Variants in ZNF804B observed in about 807,000 individuals in gnomAD.
ZNF804B encodes the protein zinc finger 804B.
Under a neutral mutation model 101.4 loss-of-function variants are expected in ZNF804B, and 80 were observed. That is an observed-to-expected ratio of 0.79 (90% CI 0.66 to 0.95). ZNF804B has a LOEUF of 0.95. Ranked by LOEUF, ZNF804B falls within the 40% of genes least tolerant of loss-of-function variation. The pLI is 0.00. For missense variants in ZNF804B, 1,673 were observed against 1,561.9 expected, an observed-to-expected ratio of 1.07 and a Z score of -1.20; for synonymous variants, 622 against 558.8, an observed-to-expected ratio of 1.11 and a Z score of -1.59.
chr7:89,332,360 T>C lies in ZNF804B; in HGVS notation c.381-1003T>C, dbSNP rs912967154. On this transcript the variant is annotated intron_variant, in intron 3 of 3. Transcript: ENST00000333190. ...ATGGAAGAGATACCAGTTGGCTTAGTATTTTATATTCAAGCAACAAATGAC... is the reference window on the plus strand; with the variant it reads ...ATGGAAGAGATACCAGTTGGCTTAGCATTTTATATTCAAGCAACAAATGAC... 2.6e-5 allele frequency among the ~76,000 whole-genome samples: 4 copies of C among 151,892 alleles called. No individual in the cohort carries two copies. The East Asian group carries it at 7.7e-4, about 29-fold the overall frequency.
chr7:88,890,119 T>C (rs1792193901), intron 1 of ZNF804B, among the ~76,000 whole-genome samples: 2 of 152,162 alleles, frequency 1.3e-5, no homozygotes, highest in South Asian at 4.1e-4. Context: ...TTTAGAAATT[T>C]ACGTGAAGAC....
chr7:88,879,669 A>G (rs954621861), intron 1 of ZNF804B, among the ~76,000 whole-genome samples: 2 of 152,166 alleles, frequency 1.3e-5, no homozygotes, highest in Admixed American at 6.5e-5. Context: ...AGGTTTAAAA[A>G]TCTTTCTGGA....
At chr7:88,950,931 T>G (rs1416489891) in intron 1 of ZNF804B, among the ~76,000 whole-genome samples, 2 of 151,876 alleles carry the variant, frequency 1.3e-5, no homozygotes, top group East Asian at 3.9e-4. Context: ...AGCTAATTTT[T>G]TTTTTTTGGC....
chr7:88,918,352 G>A (rs950689392), intron 1 of ZNF804B, among the ~76,000 whole-genome samples: 2 of 152,028 alleles, frequency 1.3e-5, no homozygotes, highest in Non-Finnish European at 2.9e-5. Flanking sequence ...GTTATAATTA[G>A]GGAACTTTAG....
intron 2 of ZNF804B, among the ~76,000 whole-genome samples, chr7:89,321,017 C>A (rs1341676480): frequency 2.0e-5 from 3 of 152,008 alleles, no homozygotes; most frequent in African/African-American, 7.2e-5. Context: ...GTATTCTTAA[C>A]ATATGATTTT....
At chr7:88,880,671 G>T (rs764225899) in intron 1 of ZNF804B, among the ~76,000 whole-genome samples, 2 of 152,132 alleles carry the variant, frequency 1.3e-5, no homozygotes, top group South Asian at 4.1e-4. Flanking sequence ...TAAACTAAGG[G>T]AAGACACTGG....
intron 1 of ZNF804B, among the ~76,000 whole-genome samples, chr7:89,058,990 C>A (rs1487109406): frequency 2.0e-5 from 3 of 152,052 alleles, no homozygotes; most frequent in Admixed American, 6.6e-5. Flanking sequence ...CCATCATGCC[C>A]AGCTGGAATG....
At chr7:88,798,378 A>T (rs1790524211) in intron 1 of ZNF804B, among the ~76,000 whole-genome samples, 1 of 152,164 alleles carries the variant, frequency 6.6e-6, no homozygotes, top group East Asian at 1.9e-4. Flanking sequence ...AAGAGTGATA[A>T]TATCTTAACA....
chr7:89,129,395 A>G (rs977967287), intron 1 of ZNF804B, among the ~76,000 whole-genome samples: 17 of 152,032 alleles, frequency 1.1e-4, no homozygotes, highest in Non-Finnish European at 2.2e-4. Flanking sequence ...ATTGATTTAC[A>G]TTTCTTTAAA....
At chr7:89,250,699 A>G (rs1473887789) in intron 2 of ZNF804B, among the ~76,000 whole-genome samples, 1 of 152,226 alleles carries the variant, frequency 6.6e-6, no homozygotes, top group East Asian at 1.9e-4. Flanking sequence ...TCAACAAAAT[A>G]CTAGCACAGT....
chr7:89,047,578 T>C (rs1182925287), intron 1 of ZNF804B, among the ~76,000 whole-genome samples: 1 of 152,186 alleles, frequency 6.6e-6, no homozygotes, highest in African/African-American at 2.4e-5. Context: ...AAGATAGTAA[T>C]TTATGCTGAA....
intron 2 of ZNF804B, among the ~76,000 whole-genome samples, chr7:89,258,113 TAAATA>T (rs1311241554): frequency 6.6e-6 from 1 of 151,924 alleles, no homozygotes; most frequent in Non-Finnish European, 1.5e-5. Flanking sequence ...AAAAATAATA[TAAATA>T]AAATATAGTA....
rs1204118860 is a variant in ZNF804B at position 88,893,459 on chromosome 7, G to A, written c.108+133375G>A. Among the ~76,000 whole-genome samples, 3 of 151,790 alleles carry A rather than the reference G, an allele frequency of 2.0e-5. No individual in the cohort carries two copies. The East Asian group carries it at 5.8e-4, about 29-fold the overall frequency. ...TATGTATTTAATAAATACATACCCT[G>A]CCTGTCTCCTTTAAGATTTCAAAAA... On this transcript the variant is annotated intron_variant, in intron 1 of 3. Coordinates refer to ENST00000333190, the MANE Select transcript of ZNF804B (RefSeq NM_181646.5).
At chr7:89,069,363 G>A (rs569030194) in intron 1 of ZNF804B, among the ~76,000 whole-genome samples, 1 of 152,252 alleles carries the variant, frequency 6.6e-6, no homozygotes, top group South Asian at 2.1e-4. Flanking sequence ...GACTATGTAT[G>A]TGAAATTAAA....
At chr7:89,078,892 C>A (rs1305718023) in intron 1 of ZNF804B, among the ~76,000 whole-genome samples, 1 of 151,954 alleles carries the variant, frequency 6.6e-6, no homozygotes, top group Non-Finnish European at 1.5e-5. Context: ...TAAAGGCCTA[C>A]TTTATTCATT....
At chr7:89,331,903 G>T (rs1177147168) in intron 3 of ZNF804B, among the ~76,000 whole-genome samples, 1 of 151,330 alleles carries the variant, frequency 6.6e-6, no homozygotes, top group Non-Finnish European at 1.5e-5. Flanking sequence ...AAATGTATCT[G>T]AACTGAAGAA....
At chr7:89,299,416 G>GT (rs1361877377) in intron 2 of ZNF804B, among the ~76,000 whole-genome samples, 1 of 151,996 alleles carries the variant, frequency 6.6e-6, no homozygotes, top group African/African-American at 2.4e-5. Flanking sequence ...TTGTTTGACA[G>GT]TTGAAATTCT....
At chr7:89,109,202 C>T (rs1423529972) in intron 1 of ZNF804B, among the ~76,000 whole-genome samples, 1 of 152,048 alleles carries the variant, frequency 6.6e-6, no homozygotes, top group Non-Finnish European at 1.5e-5. Context: ...GTTTAATTTA[C>T]CAACCTATTT....
chr7:89,075,468 G>A (rs1036092632), intron 1 of ZNF804B, among the ~76,000 whole-genome samples: 1 of 152,186 alleles, frequency 6.6e-6, no homozygotes, highest in African/African-American at 2.4e-5. Flanking sequence ...TCCATGTGGT[G>A]TTGAGCCTGC....
Sources: gnomAD v4.1 joint callset for allele counts (sites outside exome capture counted in the v4.1 genomes callset) on GRCh38, gnomAD v4.1.1 for gene constraint, MANE v1.5 for transcripts, NCBI Gene and HGNC (gene_info 2026-07-23, HGNC 2026-07-21) for gene names.